Variants in DISP1 observed in about 807,000 individuals in gnomAD.
DISP1 encodes protein dispatched homolog 1.
A neutral mutation model predicts 37.3 loss-of-function variants in DISP1; 30 were observed. That is an observed-to-expected ratio of 0.80 (90% CI 0.60 to 1.09). The LOEUF is 1.09. DISP1 is among the 50% of genes least tolerant of loss of function. DISP1 has a pLI of 0.00. For missense variants in DISP1, 1,598 were observed against 1,879.5 expected (o/e 0.85, Z 2.77); for synonymous variants, 634 against 690.2 (o/e 0.92, Z 1.28).
At chr1:222,964,783 CTAG>C (rs1676345464) in intron 3 of DISP1, among the ~76,000 whole-genome samples, 1 of 152,162 alleles carries the variant, frequency 6.6e-6, no homozygotes, top group Non-Finnish European at 1.5e-5. Context: ...TTTGAAAACG[CTAG>C]TAGTAATTGG....
At chr1:222,948,385 C>G (rs1033366791) in intron 3 of DISP1, among the ~76,000 whole-genome samples, 3 of 152,304 alleles carry the variant, frequency 2.0e-5, no homozygotes, top group African/African-American at 7.2e-5. Context: ...AAAATATCCA[C>G]AGAAGCAAAT....
At chr1:222,842,547 G>C (rs1309706485) in intron 1 of DISP1, among the ~76,000 whole-genome samples, 1 of 151,970 alleles carries the variant, frequency 6.6e-6, no homozygotes, top group Non-Finnish European at 1.5e-5. Context: ...TAGTGACAGC[G>C]ATCCATGTAT....
intron 2 of DISP1, among the ~76,000 whole-genome samples, chr1:222,931,654 A>C (rs1673405393): frequency 6.7e-6 from 1 of 150,328 alleles, no homozygotes; most frequent in Non-Finnish European, 1.5e-5. Flanking sequence ...AGAATTGGAA[A>C]GTTTAAGATG....
At position 222,862,434 on chromosome 1, in the gene DISP1, G is replaced by A. The variant is rs375875565; in HGVS notation, c.-159+47356G>A. 5.0e-4 allele frequency among the ~76,000 whole-genome samples: 76 copies of A among 151,286 alleles called. 1 individual carries two copies. The East Asian group carries it at 0.01, about 20-fold the overall frequency. On this transcript the variant is annotated intron_variant, in intron 1 of 8. Transcript: ENST00000675850. Reference sequence around the variant, plus strand: ...TTATAATAAAACACAGTAAACTTACGAAAATCTAGTAATTTAACATTGATA... The same window carrying A: ...TTATAATAAAACACAGTAAACTTACAAAAATCTAGTAATTTAACATTGATA...
intron 2 of DISP1, among the ~76,000 whole-genome samples, chr1:222,939,935 C>G (rs1041699486): frequency 5.3e-5 from 8 of 151,840 alleles, no homozygotes; most frequent in Non-Finnish European, 1.0e-4. Flanking sequence ...ACCATCCTGG[C>G]TAACACGGTG....
chr1:222,961,192 C>T (rs1676033618), intron 3 of DISP1, among the ~76,000 whole-genome samples: 1 of 152,316 alleles, frequency 6.6e-6, no homozygotes, highest in South Asian at 2.1e-4. Context: ...GCCAATATCC[C>T]TGATGAACAT....
intron 2 of DISP1, among the ~76,000 whole-genome samples, chr1:222,941,999 T>G (rs573110305): frequency 1.3e-5 from 2 of 151,680 alleles, no homozygotes; most frequent in African/African-American, 4.8e-5. Flanking sequence ...GATAGGGAGA[T>G]TGTCTGTTTT....
chr1:222,833,857 T>A (rs1666361902), intron 1 of DISP1, among the ~76,000 whole-genome samples: 1 of 152,248 alleles, frequency 6.6e-6, no homozygotes, highest in Non-Finnish European at 1.5e-5. Flanking sequence ...ATCTGTTTTC[T>A]TATTAGTAAA....
chr1:222,918,055 T>C (rs1409610330), intron 1 of DISP1, among the ~76,000 whole-genome samples: 2 of 152,190 alleles, frequency 1.3e-5, no homozygotes, highest in African/African-American at 4.8e-5. Flanking sequence ...AAATAAATCA[T>C]TGTGCTAATC....
At chr1:222,855,331 C>T (rs1357896656) in intron 1 of DISP1, among the ~76,000 whole-genome samples, 1 of 152,162 alleles carries the variant, frequency 6.6e-6, no homozygotes, top group Non-Finnish European at 1.5e-5. Context: ...TAGTTAAGAT[C>T]TGTTAGAAAA....
chr1:222,854,550 C>T (rs1197632189), intron 1 of DISP1, among the ~76,000 whole-genome samples: 1 of 152,034 alleles, frequency 6.6e-6, no homozygotes, highest in Non-Finnish European at 1.5e-5. Context: ...TGGGTGGGGA[C>T]ACATAGCCAA....
chr1:222,920,161 A>G (rs757535978), intron 1 of DISP1, among the ~76,000 whole-genome samples: 2 of 152,184 alleles, frequency 1.3e-5, no homozygotes, highest in African/African-American at 2.4e-5. Context: ...CTCTCAATCT[A>G]TGCATACCAC....
In DISP1 at chr1:222,942,929, G is replaced by A. The variant is rs772168488; in HGVS notation, c.106G>A (p.Ala36Thr). The A allele has an allele frequency of 1.9e-6, 3 of 1,614,172 alleles. No individual in the cohort carries two copies. The highest frequency in any genetic ancestry group is 1.7e-6 in the Non-Finnish European group (2 of 1,180,028). The change falls in exon 3 of 9, where the codon GCA becomes ACA. Residue 36 changes from alanine (A) to threonine (T), a missense_variant. Physicochemically the swap from Ala to Thr is moderately conservative, Grantham distance 58 (BLOSUM62 0). Coordinates refer to ENST00000675850, the MANE Select transcript of DISP1 (RefSeq NM_001377229.1). ...CCTCACCCCCTGTGATGGAGACCAT[G>A]CAGCCCAGCAGCTCACACCCAAAGA... ...SPLTPCDGDH[A>T]AQQLTPKEAT... is the part of the protein sequence containing the mutation.
intron 1 of DISP1, among the ~76,000 whole-genome samples, chr1:222,872,699 AT>A (rs1669661385): frequency 6.6e-6 from 1 of 151,844 alleles, no homozygotes; most frequent in Non-Finnish European, 1.5e-5. Context: ...CAGTCTATCA[AT>A]TTTGTTGATC....
chr1:222,991,642 C>G lies in DISP1; in HGVS notation c.786C>G (p.Ala262=). The G allele has an allele frequency of 6.2e-7, 1 of 1,612,126 alleles. No homozygotes were observed. ...NYPFKYADEQ[A]KSHRDDRWSD... ...CCTTTAAATATGCAGATGAACAAGC[C>G]AAAAGGTAATCAATTATTTATTTTT... is the stretch of plus-strand genomic sequence containing the variant. The change falls in exon 6 of 9, where the codon GCC becomes GCG. Residue 262 remains alanine, a synonymous_variant. Coordinates refer to ENST00000675850, the MANE Select transcript of DISP1 (RefSeq NM_001377229.1).
intron 1 of DISP1, among the ~76,000 whole-genome samples, chr1:222,823,550 A>G (rs887786339): frequency 5.3e-5 from 8 of 152,178 alleles, no homozygotes; most frequent in Non-Finnish European, 8.8e-5. Context: ...AGGGATGAGA[A>G]ATTGTAAATG....
Position 223,002,556 on chromosome 1 carries a change from A to G in DISP1, c.1159A>G (p.Lys387Glu). 6.2e-7 allele frequency: 1 copy of G among 1,614,198 alleles called. No individual in the cohort carries two copies. The change falls in exon 9 of 9, where the codon AAA becomes GAA. Residue 387 changes from lysine (K) to glutamate (E), a missense_variant. By Grantham distance (56) the Lys-to-Glu change is moderately conservative. Transcript: ENST00000675850. The stretch of plus-strand genomic sequence containing the variant: ...CTTGAAGCTGCTTCGGACTTGTGCC[A>G]AACACTACCAAAATGGCACTCTGGG... ...HTLKLLRTCA[K>E]HYQNGTLGPD...
chr1:222,876,371 C>G lies in DISP1; in HGVS notation c.-158-52059C>G, dbSNP rs536572315. On this transcript the variant is annotated intron_variant, in intron 1 of 8. Coordinates refer to ENST00000675850, the MANE Select transcript of DISP1 (RefSeq NM_001377229.1). ...AGCAGAGTAGCAACACTTTGGTGAACAGTTTTGCATTTTCTATGCACATAT... is the reference window on the plus strand; with the variant it reads ...AGCAGAGTAGCAACACTTTGGTGAAGAGTTTTGCATTTTCTATGCACATAT... Among the ~76,000 whole-genome samples the G allele has an allele frequency of 3.3e-5, 5 of 152,230 alleles. No homozygotes were observed. In the South Asian group the frequency reaches 1.0e-3, roughly 32 times the overall value.
At chr1:222,992,495 A>T (rs1275095622) in intron 7 of DISP1, among the ~76,000 whole-genome samples, 2 of 152,198 alleles carry the variant, frequency 1.3e-5, no homozygotes, top group Non-Finnish European at 2.9e-5. Context: ...TTGAATTATT[A>T]AAAAATTATT....
Sources: allele counts gnomAD v4.1 joint callset (sites outside exome capture counted in the v4.1 genomes callset), GRCh38; gene constraint gnomAD v4.1.1; transcripts MANE v1.5; gene names NCBI Gene and HGNC (gene_info 2026-07-23, HGNC 2026-07-21).